Variants in KIAA1217 observed in about 807,000 individuals in gnomAD.
The protein encoded by KIAA1217 is sickle tail protein homolog.
A neutral mutation model predicts 163.9 loss-of-function variants in KIAA1217; 88 were observed. The observed-to-expected ratio is 0.54, with a 90% CI of 0.45 to 0.64. The LOEUF (loss-of-function observed/expected upper bound fraction) is 0.64. Ranked by LOEUF, KIAA1217 falls within the 30% of genes least tolerant of loss-of-function variation. The probability of loss-of-function intolerance (pLI) is 0.00; values close to 1 mark genes in which losing one functional copy is unlikely to be tolerated. For missense variants in KIAA1217, 2,372 were observed against 2,475.0 expected, an observed-to-expected ratio of 0.96 and a Z score of 0.88; for synonymous variants, 903 against 923.1, an observed-to-expected ratio of 0.98 and a Z score of 0.39.
At chr10:24,040,824 G>A (rs1310039198) in intron 2 of KIAA1217, among the ~76,000 whole-genome samples, 2 of 152,200 alleles carry the variant, frequency 1.3e-5, no homozygotes, top group Admixed American at 1.3e-4. Flanking sequence ...TTTTGAAAAA[G>A]ACGGGCTAAG....
intron 1 of KIAA1217, among the ~76,000 whole-genome samples, chr10:23,902,756 G>T (rs533644503): frequency 6.6e-6 from 1 of 152,110 alleles, no homozygotes. Context: ...GAAAAGAAAC[G>T]TGCAGCAGAG....
intron 2 of KIAA1217, among the ~76,000 whole-genome samples, chr10:24,202,369 AG>A (rs912737445): frequency 7.9e-5 from 12 of 152,092 alleles, no homozygotes; most frequent in Non-Finnish European, 1.5e-4. Flanking sequence ...GTAGGGGGAG[AG>A]GAGAGCAAAG....
chr10:23,929,414 A>G (rs1843161955), intron 1 of KIAA1217, among the ~76,000 whole-genome samples: 1 of 152,176 alleles, frequency 6.6e-6, no homozygotes, highest in South Asian at 2.1e-4. Flanking sequence ...GCTGAACCCA[A>G]TAGTGAGCAT....
At chr10:23,998,354 G>A (rs1846593161) in intron 1 of KIAA1217, among the ~76,000 whole-genome samples, 1 of 152,172 alleles carries the variant, frequency 6.6e-6, no homozygotes, top group Non-Finnish European at 1.5e-5. Context: ...TGTCTGGTCT[G>A]CATCCAAATC....
intron 2 of KIAA1217, among the ~76,000 whole-genome samples, chr10:24,079,113 C>A (rs77860828): frequency 6.6e-6 from 1 of 152,220 alleles, no homozygotes; most frequent in Non-Finnish European, 1.5e-5. Flanking sequence ...CTTGTGTTAA[C>A]GCACTTCACC....
intron 1 of KIAA1217, among the ~76,000 whole-genome samples, chr10:23,889,980 A>G (rs1248363176): frequency 6.6e-6 from 1 of 151,814 alleles, no homozygotes; most frequent in Non-Finnish European, 1.5e-5. Context: ...TCAGAAAATT[A>G]GTGTAGGAGC....
intron 1 of KIAA1217, among the ~76,000 whole-genome samples, chr10:23,743,262 T>A (rs558226235): frequency 2.0e-4 from 31 of 151,612 alleles, no homozygotes; most frequent in Admixed American, 2.0e-3. Context: ...AAAATCAGTG[T>A]TTACGGTAGT....
intron 5 of KIAA1217, among the ~76,000 whole-genome samples, chr10:24,463,006 T>C (rs1347085907): frequency 6.6e-6 from 1 of 152,108 alleles, no homozygotes; most frequent in Non-Finnish European, 1.5e-5. Context: ...GAGATGGAGA[T>C]AAGAGAAGGA....
At chr10:23,817,170 G>A (rs1002925513) in intron 1 of KIAA1217, among the ~76,000 whole-genome samples, 3 of 152,006 alleles carry the variant, frequency 2.0e-5, no homozygotes, top group Non-Finnish European at 4.4e-5. Flanking sequence ...AATTTTAATT[G>A]GTACTTACCT....
chr10:24,205,345 C>T (rs2067492792), upstream of KIAA1217, among the ~76,000 whole-genome samples: 1 of 140,722 alleles, frequency 7.1e-6, no homozygotes, highest in Non-Finnish European at 1.5e-5. Context: ...CGTGGTGGCA[C>T]ATGCCTGTAA....
chr10:23,847,514 A>G (rs1019047169), intron 1 of KIAA1217, among the ~76,000 whole-genome samples: 1 of 152,136 alleles, frequency 6.6e-6, no homozygotes, highest in Non-Finnish European at 1.5e-5. Context: ...TTATTTGCAT[A>G]GAGGTGTTTA....
At position 23,838,209 on chromosome 10, in the gene KIAA1217, A is replaced by C. The variant is rs537892700; in HGVS notation, c.-321+142975A>C. On this transcript the variant is annotated intron_variant, in intron 1 of 18. Transcript: ENST00000376462. The stretch of plus-strand genomic sequence containing the variant: ...TCTTTGCGTGTTTCTCTGCTTACTT[A>C]AGCTAAATTCCTAGAAGTGTAGTTA... 1.5e-4 allele frequency among the ~76,000 whole-genome samples: 23 copies of C among 152,298 alleles called. No individual in the cohort carries two copies. In the South Asian group the frequency reaches 2.7e-3, roughly 18 times the overall value.
intron 6 of KIAA1217, among the ~76,000 whole-genome samples, chr10:24,480,175 G>C (rs191883146): frequency 6.6e-6 from 1 of 152,354 alleles, no homozygotes; most frequent in South Asian, 2.1e-4. Context: ...GCCCAGGGGG[G>C]CAAAATGCCC....
At chr10:24,085,273 T>C (rs2061661382) in intron 2 of KIAA1217, among the ~76,000 whole-genome samples, 1 of 151,268 alleles carries the variant, frequency 6.6e-6, no homozygotes, top group Non-Finnish European at 1.5e-5. Context: ...TCGCAGACTT[T>C]GGAATTTCAT....
intron 1 of KIAA1217, among the ~76,000 whole-genome samples, chr10:23,733,820 C>A (rs1266000723): frequency 6.6e-6 from 1 of 152,016 alleles, no homozygotes; most frequent in African/African-American, 2.4e-5. Context: ...TAACTTACTG[C>A]TTCAATTATC....
At chr10:24,376,918 G>T (rs974598451) in intron 2 of KIAA1217, among the ~76,000 whole-genome samples, 1 of 152,152 alleles carries the variant, frequency 6.6e-6, no homozygotes, top group Admixed American at 6.5e-5. Flanking sequence ...TGAGGTTACA[G>T]GGAAGGTTAA....
At chr10:24,394,679 C>T (rs1018250840) in intron 3 of KIAA1217, among the ~76,000 whole-genome samples, 3 of 152,176 alleles carry the variant, frequency 2.0e-5, no homozygotes, top group East Asian at 3.8e-4. Flanking sequence ...CCAGCCACCC[C>T]GGACTCCTGG....
chr10:23,759,245 G>GT (rs1834114643), intron 1 of KIAA1217, among the ~76,000 whole-genome samples: 1 of 152,146 alleles, frequency 6.6e-6, no homozygotes, highest in South Asian at 2.1e-4. Flanking sequence ...AAATGCAAGT[G>GT]TTTTTTGTGA....
intron 2 of KIAA1217, among the ~76,000 whole-genome samples, chr10:24,014,240 CTTAAG>C (rs1252836115): frequency 5.3e-5 from 8 of 152,134 alleles, no homozygotes. Context: ...ACTTCATGCA[CTTAAG>C]TTAATGGACT....
Sources: gnomAD v4.1 joint callset for allele counts (sites outside exome capture counted in the v4.1 genomes callset) on GRCh38, gnomAD v4.1.1 for gene constraint, MANE v1.5 for transcripts, NCBI Gene and HGNC (gene_info 2026-07-23, HGNC 2026-07-21) for gene names.